The following CYP2C19 variants were observed in gnomAD, a reference collection of about 807,000 sequenced individuals.
CYP2C19 encodes the protein cytochrome P450 family 2 subfamily C member 19.
A neutral mutation model predicts 40.9 loss-of-function variants in CYP2C19; 59 were observed. That is an observed-to-expected ratio of 1.44 (90% confidence interval 1.17 to 1.79). The LOEUF (loss-of-function observed/expected upper bound fraction) is 1.79, where lower values mean the gene tolerates loss of function less well. CYP2C19 is among the 40% of genes most tolerant of loss of function. The probability of loss-of-function intolerance (pLI) is 0.00; values close to 1 mark genes in which losing one functional copy is unlikely to be tolerated. For missense variants in CYP2C19, 754 were observed against 596.9 expected (o/e 1.26, Z -2.74); for synonymous variants, 253 against 208.7 (o/e 1.21, Z -1.83).
At position 94,852,949 on chromosome 10, in the gene CYP2C19, C is replaced by T. The variant is rs1849678326; in HGVS notation, c.*35C>T. Reference sequence around the variant, plus strand: ...GATGGTCTGGCTGCTCCTGTGCTGTCCCTGCAGCTCTCTTTCCTCTGGTCC... The same window carrying T: ...GATGGTCTGGCTGCTCCTGTGCTGTTCCTGCAGCTCTCTTTCCTCTGGTCC... On this transcript the variant is annotated 3_prime_UTR_variant, in exon 9 of 9. Transcript: ENST00000371321. The T allele has an allele frequency of 6.2e-7, 1 of 1,604,640 alleles. No homozygotes were observed. The highest frequency in any genetic ancestry group is 8.5e-7 in the Non-Finnish European group (1 of 1,172,806).
At chr10:94,800,649 C>T (rs1050913848) in intron 5 of CYP2C19, among the ~76,000 whole-genome samples, 6 of 152,204 alleles carry the variant, frequency 3.9e-5, no homozygotes, top group Admixed American at 3.3e-4. Context: ...GGCAGTAGGC[C>T]TTGCTGAGCT....
Position 94,855,409 on chromosome 10 carries a change from T to C in CYP2C19, c.*2495T>C, listed in dbSNP as rs939293853. On this transcript the variant is annotated 3_prime_UTR_variant, in exon 9 of 9. Coordinates refer to ENST00000371321, the MANE Select transcript of CYP2C19 (RefSeq NM_000769.4). ...GTTGCTAACAACTTTGCTAATTCTCTGCATTTATTTTTATTGTTTGTATTT... is the reference window on the plus strand; with the variant it reads ...GTTGCTAACAACTTTGCTAATTCTCCGCATTTATTTTTATTGTTTGTATTT... 9.2e-5 allele frequency among the ~76,000 whole-genome samples: 14 copies of C among 152,250 alleles called. No homozygotes were observed. The highest frequency in any genetic ancestry group is 2.7e-4 in the African/African-American group (11 of 41,470).
At chr10:94,835,958 T>G (rs1849396904) in intron 6 of CYP2C19, among the ~76,000 whole-genome samples, 1 of 152,166 alleles carries the variant, frequency 6.6e-6, no homozygotes, top group South Asian at 2.1e-4. Context: ...GTGTACAAGT[T>G]GAAGTCAGGA....
intron 5 of CYP2C19, among the ~76,000 whole-genome samples, chr10:94,798,287 G>T (rs1445597082): frequency 2.6e-5 from 4 of 152,120 alleles, no homozygotes; most frequent in Admixed American, 1.3e-4. Flanking sequence ...CAGTTTCCAA[G>T]GGGTTGTGTG....
At chr10:94,826,903 T>G (rs1347037557) in intron 6 of CYP2C19, among the ~76,000 whole-genome samples, 3 of 151,988 alleles carry the variant, frequency 2.0e-5, no homozygotes, top group Non-Finnish European at 4.4e-5. Flanking sequence ...CTTTTCTGCA[T>G]GTAGTATTGA....
At chr10:94,815,661 G>A (rs930077125) in intron 5 of CYP2C19, among the ~76,000 whole-genome samples, 1 of 152,018 alleles carries the variant, frequency 6.6e-6, no homozygotes, top group Non-Finnish European at 1.5e-5. Flanking sequence ...TCTTCACTTT[G>A]TATATTTTTA....
At chr10:94,763,947 C>G (rs1047387885) in intron 1 of CYP2C19, among the ~76,000 whole-genome samples, 3 of 152,074 alleles carry the variant, frequency 2.0e-5, no homozygotes, top group African/African-American at 7.2e-5. Context: ...CATGGTCTTG[C>G]TGACTTCAGG....
intron 7 of CYP2C19, among the ~76,000 whole-genome samples, chr10:94,843,266 T>A (rs1323569398): frequency 4.6e-5 from 7 of 152,214 alleles, no homozygotes; most frequent in Admixed American, 4.6e-4. Context: ...TACTCTTAAG[T>A]GGTTATATTT....
At chr10:94,847,669 G>A (rs188972006) in intron 7 of CYP2C19, among the ~76,000 whole-genome samples, 178 of 152,254 alleles carry the variant, frequency 1.2e-3, no homozygotes, top group Admixed American at 3.1e-3. Context: ...TTCCACAATG[G>A]TTGAACTAGT....
At chr10:94,767,024 C>T (rs1210084102) in intron 1 of CYP2C19, among the ~76,000 whole-genome samples, 1 of 152,010 alleles carries the variant, frequency 6.6e-6, no homozygotes, top group African/African-American at 2.4e-5. Flanking sequence ...GATATTTTGC[C>T]AAAGAAGTTA....
intron 4 of CYP2C19, among the ~76,000 whole-genome samples, chr10:94,780,912 G>A (rs563121442): frequency 6.6e-6 from 1 of 152,222 alleles, no homozygotes; most frequent in African/African-American, 2.4e-5. Flanking sequence ...AAACTCCAAA[G>A]CCCTGTTTCT....
chr10:94,821,867 G>T (rs1039497334), intron 6 of CYP2C19, among the ~76,000 whole-genome samples: 1 of 151,642 alleles, frequency 6.6e-6, no homozygotes, highest in African/African-American at 2.4e-5. Flanking sequence ...CTGAGTCTCG[G>T]GGTCCCAACT....
chr10:94,827,018 G>T (rs1231119322), intron 6 of CYP2C19, among the ~76,000 whole-genome samples: 1 of 152,110 alleles, frequency 6.6e-6, no homozygotes, highest in Middle Eastern at 3.2e-3. Flanking sequence ...AAGCCCACTC[G>T]ATCATGGTGG....
intron 5 of CYP2C19, among the ~76,000 whole-genome samples, chr10:94,803,260 C>A (rs1848790028): frequency 1.3e-5 from 2 of 150,844 alleles, no homozygotes; most frequent in African/African-American, 5.0e-5. Flanking sequence ...TTCCTTTTTC[C>A]CTCTCCCTTC....
At chr10:94,798,547 G>A (rs1215906556) in intron 5 of CYP2C19, among the ~76,000 whole-genome samples, 1 of 152,068 alleles carries the variant, frequency 6.6e-6, no homozygotes, top group African/African-American at 2.4e-5. Context: ...GGATATCTTT[G>A]TTAACCTTTT....
At chr10:94,835,674 T>G (rs1849391564) in intron 6 of CYP2C19, among the ~76,000 whole-genome samples, 1 of 152,190 alleles carries the variant, frequency 6.6e-6, no homozygotes, top group African/African-American at 2.4e-5. Flanking sequence ...AACGGCTTCC[T>G]GAGGTTTGAT....
intron 6 of CYP2C19, among the ~76,000 whole-genome samples, chr10:94,841,472 G>T (rs1849494166): frequency 6.6e-6 from 1 of 152,174 alleles, no homozygotes; most frequent in Admixed American, 6.5e-5. Flanking sequence ...GCAGTTGCAA[G>T]ATTTAATAGA....
intron 5 of CYP2C19, among the ~76,000 whole-genome samples, chr10:94,792,787 T>A (rs1164625097): frequency 6.6e-6 from 1 of 152,170 alleles, no homozygotes; most frequent in African/African-American, 2.4e-5. Context: ...GCCCTAAATA[T>A]TTATTCCTTC....
chr10:94,829,306 C>T (rs376754121), intron 6 of CYP2C19, among the ~76,000 whole-genome samples: 8 of 152,226 alleles, frequency 5.3e-5, no homozygotes, highest in South Asian at 2.1e-4. Flanking sequence ...TACACCAATC[C>T]GAAGTAGATT....
Sources: allele counts gnomAD v4.1 joint callset (sites outside exome capture counted in the v4.1 genomes callset), GRCh38; gene constraint gnomAD v4.1.1; transcripts MANE v1.5; gene names NCBI Gene and HGNC (gene_info 2026-07-23, HGNC 2026-07-21).